Variants in PCDHA6 observed in about 807,000 individuals in gnomAD.
The protein encoded by PCDHA6 is protocadherin alpha 6.
In PCDHA6, 55 loss-of-function variants were observed where a neutral mutation model predicts 60.3. That is an observed-to-expected ratio of 0.91 (90% CI 0.73 to 1.14). PCDHA6 has a LOEUF of 1.14. Ranked by LOEUF, PCDHA6 falls within the 50% of genes most tolerant of loss-of-function variation. The pLI is 0.00. For missense variants in PCDHA6, 1,327 were observed against 1,256.5 expected (o/e 1.06, Z -0.85); for synonymous variants, 652 against 557.9 (o/e 1.17, Z -2.38).
chr5:140,949,260 T>A (rs1292112980), intron 1 of PCDHA6, among the ~76,000 whole-genome samples: 1 of 151,804 alleles, frequency 6.6e-6, no homozygotes, highest in African/African-American at 2.4e-5. Flanking sequence ...GATGAACATA[T>A]CACGTGCACT....
rs2150377192 is a variant in PCDHA6, at chr5:140,845,186, A to C, written c.2394+14701A>C. On this transcript the variant is annotated intron_variant, in intron 1 of 3. Transcript: ENST00000529310. ...TTGTTTTCATTTTAGTCCTTTAAAAAATATGATTGTTTTCATTTAAGTCCT... is the reference window on the plus strand; with the variant it reads ...TTGTTTTCATTTTAGTCCTTTAAAACATATGATTGTTTTCATTTAAGTCCT... 3.3e-5 allele frequency among the ~76,000 whole-genome samples: 5 copies of C among 149,420 alleles called. 1 individual carries two copies. The highest frequency in any genetic ancestry group is 7.5e-5 in the Non-Finnish European group (5 of 66,806).
At position 140,856,042 on chromosome 5, in the gene PCDHA6, G is replaced by A. The variant is rs149114226; in HGVS notation, c.2394+25557G>A. On this transcript the variant is annotated intron_variant, in intron 1 of 3. Transcript: ENST00000529310. ...TTCGTCGATTTGTAAAACAAGAGAA[G>A]GATAAGATGGTTTCCAGATGTAGCT... 68 of 1,579,466 alleles carry A rather than the reference G, an allele frequency of 4.3e-5. 8 individuals carry two copies. The Admixed American group carries it at 1.1e-3, about 26-fold the overall frequency.
chr5:140,830,278 G>T lies in PCDHA6; in HGVS notation c.2187G>T (p.Glu729Asp), dbSNP rs2150184095. 3 of 1,613,832 alleles carry T rather than the reference G, an allele frequency of 1.9e-6. No individual in the cohort carries two copies. The highest frequency in any genetic ancestry group is 4.5e-5 in the East Asian group (2 of 44,860). The change falls in exon 1 of 4, where the codon GAG (glutamate) becomes GAT (aspartate). Residue 729 changes from glutamate to aspartate, a missense_variant. Physicochemically the swap from Glu to Asp is conservative, Grantham distance 45. Coordinates refer to ENST00000529310, the MANE Select transcript of PCDHA6 (RefSeq NM_018909.4). ...TGCGGTGCTCGGCGCCACCCACCGA[G>T]GGCGCGTGCACGGCGGACAAGCCCA... ...TALRCSAPPTEGACTADKPTL... is the reference protein window; with the variant it reads ...TALRCSAPPTDGACTADKPTL...
chr5:140,852,781 G>C lies in PCDHA6; in HGVS notation c.2394+22296G>C, dbSNP rs1213399832. 14 of 979,508 alleles carry C rather than the reference G, an allele frequency of 1.4e-5. 1 individual carries two copies. The highest frequency in any genetic ancestry group is 6.3e-5 in the Admixed American group (1 of 15,846). 60.7% of individuals were successfully genotyped at this position (979,508 alleles called of 1,614,324 possible). ...GGTATCTGATTATTTGATGTGAATA[G>C]AGGGATGCTACAGATGTCATTTGTC... On this transcript the variant is annotated intron_variant, in intron 1 of 3. Coordinates refer to ENST00000529310, the MANE Select transcript of PCDHA6 (RefSeq NM_018909.4).
chr5:140,835,961 G>A (rs2150249175), intron 1 of PCDHA6: 1 of 1,613,162 alleles, frequency 6.2e-7, no homozygotes, highest in Admixed American at 1.7e-5. Context: ...TGGACCACGA[G>A]GAGCTGGAGC....
At chr5:140,841,430 G>C in intron 1 of PCDHA6, 5 of 1,612,964 alleles carry the variant, frequency 3.1e-6, no homozygotes, top group Non-Finnish European at 4.2e-6. Flanking sequence ...CTCCGTCCCC[G>C]AGGAGGCCAA....
intron 3 of PCDHA6, among the ~76,000 whole-genome samples, chr5:140,997,279 A>G (rs1386656925): frequency 6.6e-6 from 1 of 152,166 alleles, no homozygotes; most frequent in Non-Finnish European, 1.5e-5. Flanking sequence ...TTCTTGCATC[A>G]CTTAACAATG....
chr5:140,862,675 G>A, intron 1 of PCDHA6: 1 of 550,422 alleles, frequency 1.8e-6, no homozygotes, highest in South Asian at 1.4e-5. Context: ...GCAGGAGAAC[G>A]TGCTGGTGTC....
chr5:141,004,148 C>T (rs971282591), intron 3 of PCDHA6, among the ~76,000 whole-genome samples: 1 of 152,222 alleles, frequency 6.6e-6, no homozygotes, highest in African/African-American at 2.4e-5. Context: ...AAAGGCATGA[C>T]ATTTTATAGG....
chr5:140,939,851 A>G (rs1313215259), intron 1 of PCDHA6, among the ~76,000 whole-genome samples: 2 of 152,206 alleles, frequency 1.3e-5, no homozygotes, highest in African/African-American at 4.8e-5. Context: ...TGTGTTCTGT[A>G]TATGTCCATT....
At chr5:140,940,667 T>A (rs1167360120) in intron 1 of PCDHA6, among the ~76,000 whole-genome samples, 5 of 152,224 alleles carry the variant, frequency 3.3e-5, no homozygotes, top group African/African-American at 1.2e-4. Context: ...TAAATCTTCA[T>A]CTGATAATTC....
chr5:140,883,356 C>A, intron 1 of PCDHA6: 1 of 1,614,190 alleles, frequency 6.2e-7, no homozygotes, highest in Non-Finnish European at 8.5e-7. Flanking sequence ...AGAGAAGACA[C>A]TCAGCCTAGC....
At chr5:140,884,435 T>C (rs1554181555) in intron 1 of PCDHA6, 1 of 1,613,872 alleles carries the variant, frequency 6.2e-7, no homozygotes, top group East Asian at 2.2e-5. Flanking sequence ...TGCGCTGCGG[T>C]GCTCGGCACC....
rs1413393487 is a variant in PCDHA6, at chr5:140,941,341, G to T, written c.2395-37608G>T. On this transcript the variant is annotated intron_variant, in intron 1 of 3. Coordinates refer to ENST00000529310, the MANE Select transcript of PCDHA6 (RefSeq NM_018909.4). ...TCTCTTTTTTTTTTTTTTTCAGATG[G>T]AGTCTTGCTCTGTTGCCTAGGCTGG... Among the ~76,000 whole-genome samples the T allele has an allele frequency of 2.5e-5, 3 of 119,500 alleles. No homozygotes were observed. The East Asian group carries it at 8.2e-4, about 33-fold the overall frequency. 78.4% of individuals were successfully genotyped at this position (119,500 alleles called of 152,430 possible).
chr5:140,963,600 G>T (rs111244023), intron 1 of PCDHA6, among the ~76,000 whole-genome samples: 1 of 152,180 alleles, frequency 6.6e-6, no homozygotes, highest in Non-Finnish European at 1.5e-5. Context: ...AGTTCTAGAC[G>T]TAATTGGGAA....
In PCDHA6 at chr5:140,835,797, T is replaced by C. The variant is rs145155815; in HGVS notation, c.2394+5312T>C. ...CGTGAAGGAGAACAACCCGCCGGGC[T>C]GCCACATCTTCACTGTGTCGGCGGG... On this transcript the variant is annotated intron_variant, in intron 1 of 3. Coordinates refer to ENST00000529310, the MANE Select transcript of PCDHA6 (RefSeq NM_018909.4). 2.2e-3 allele frequency: 3,620 copies of C among 1,613,086 alleles called. 43 individuals carry two copies. Among genetic ancestry groups the C allele is most frequent in the Middle Eastern group, 8.4e-3 (47 of 5,592 alleles).
intron 1 of PCDHA6, among the ~76,000 whole-genome samples, chr5:140,944,043 T>C (rs2093600641): frequency 6.6e-6 from 1 of 152,080 alleles, no homozygotes; most frequent in African/African-American, 2.4e-5. Flanking sequence ...GAAAACCAGA[T>C]TGGGATACAA....
rs138359227 is a variant in PCDHA6 at position 140,829,964 on chromosome 5, G to A, written c.1873G>A (p.Gly625Arg). Residue 625 changes from glycine (G) to arginine (R), a missense_variant, in exon 1 of 4, where the codon GGG becomes AGG. Gly to Arg is a moderately radical substitution (Grantham distance 125). Coordinates refer to ENST00000529310, the MANE Select transcript of PCDHA6 (RefSeq NM_018909.4). ...ASSARFPFRV[G>R]LYTGEISTTR... ...CAGCGCTCGCTTCCCGTTTCGCGTG[G>A]GGCTGTACACGGGCGAGATCAGCAC... The A allele has an allele frequency of 5.0e-6, 8 of 1,613,888 alleles. No individual in the cohort carries two copies. The African/African-American group carries it at 1.1e-4, about 22-fold the overall frequency.
Position 140,848,523 on chromosome 5 carries a change from G to T in PCDHA6, c.2394+18038G>T, listed in dbSNP as rs1314273290. 2.8e-5 allele frequency: 45 copies of T among 1,593,246 alleles called. 8 individuals are homozygous for T. The highest frequency in any genetic ancestry group is 3.6e-5 in the Non-Finnish European group (42 of 1,164,214). Reference sequence around the variant, plus strand: ...GTTATACTCAAGTCGAGGAGATCCAGAGGGTCAGCCTCTACTGCTCTCGCT... The same window carrying T: ...GTTATACTCAAGTCGAGGAGATCCATAGGGTCAGCCTCTACTGCTCTCGCT... On this transcript the variant is annotated intron_variant, in intron 1 of 3. Transcript: ENST00000529310.
Sources: allele counts gnomAD v4.1 joint callset (sites outside exome capture counted in the v4.1 genomes callset), GRCh38; gene constraint gnomAD v4.1.1; transcripts MANE v1.5; gene names NCBI Gene and HGNC (gene_info 2026-07-23, HGNC 2026-07-21).